The following PTPN3 variants were observed in gnomAD, a reference collection of about 807,000 sequenced individuals.
PTPN3 encodes the protein tyrosine-protein phosphatase non-receptor type 3.
PTPN3 carries 96 observed loss-of-function variants against 132.7 expected under a neutral mutation model. That is an observed-to-expected ratio of 0.72 (90% CI 0.61 to 0.86). PTPN3 has a LOEUF of 0.86. PTPN3 is among the 40% of genes least tolerant of loss of function. PTPN3 has a pLI of 0.00. For missense variants in PTPN3, 1,125 were observed against 1,159.6 expected, an observed-to-expected ratio of 0.97 and a Z score of 0.43; for synonymous variants, 398 against 429.0, an observed-to-expected ratio of 0.93 and a Z score of 0.89.
rs369270315 is a variant in PTPN3, at chr9:109,432,143, C to T, written c.764+930G>A. 1.1e-3 allele frequency among the ~76,000 whole-genome samples: 164 copies of T among 150,798 alleles called. 1 individual carries two copies. The highest frequency in any genetic ancestry group is 3.8e-3 in the African/African-American group (155 of 41,156). ...TATTATATAATACTCCATAGTTTTA[C>T]TTAAGTTACTTGCAGGTTTTTTCCT... On this transcript the variant is annotated intron_variant, in intron 10 of 25. Transcript: ENST00000374541.
the PTPN3 span, among the ~76,000 whole-genome samples, chr9:109,528,716 A>C: frequency 6.6e-6 from 1 of 152,042 alleles, no homozygotes; most frequent in African/African-American, 2.4e-5. Flanking sequence ...ATATATGTAT[A>C]TATATATGTT....
chr9:109,462,570 T>C (rs1446989853), intron 2 of PTPN3, among the ~76,000 whole-genome samples: 1 of 151,968 alleles, frequency 6.6e-6, no homozygotes, highest in East Asian at 1.9e-4. Context: ...GGCCAGAGGA[T>C]GGAAGAGGTC....
intron 25 of PTPN3, among the ~76,000 whole-genome samples, chr9:109,379,901 G>A (rs924783776): frequency 3.9e-5 from 6 of 152,180 alleles, no homozygotes; most frequent in African/African-American, 7.2e-5. Flanking sequence ...AGTCCCTGCG[G>A]GACAGCCCTT....
At chr9:109,530,876 G>T in the PTPN3 span, among the ~76,000 whole-genome samples, 1 of 152,170 alleles carries the variant, frequency 6.6e-6, no homozygotes, top group African/African-American at 2.4e-5. Context: ...CTTTAGAGAA[G>T]TGTCTATTCT....
At chr9:109,406,706 TG>T in intron 17 of PTPN3, 88 bp from the exon 18 acceptor site, 1 of 1,528,922 alleles carries the variant, frequency 6.5e-7, no homozygotes, top group Admixed American at 1.8e-5. Flanking sequence ...CCCAGACACC[TG>T]GGACCATGAT....
chr9:109,429,040 A>C, intron 10 of PTPN3: 1 of 985,470 alleles, frequency 1.0e-6, no homozygotes, highest in Non-Finnish European at 1.2e-6. Context: ...AGCAGCTGAA[A>C]GAGGACAGAC....
At position 109,452,327 on chromosome 9, in the gene PTPN3, C is replaced by G. The variant is rs1845311254; in HGVS notation, c.368+2169G>C. On this transcript the variant is annotated intron_variant, in intron 5 of 25. Transcript: ENST00000374541. ...ATAGAAAACTTCAGAGTACCTGGTA[C>G]TTACTATAGTTTTATAAAACGTTTG... is the stretch of plus-strand genomic sequence containing the variant. Among the ~76,000 whole-genome samples, 12 of 148,928 alleles carry G rather than the reference C, an allele frequency of 8.1e-5. No individual in the cohort carries two copies. In the South Asian group the frequency reaches 2.6e-3, roughly 32 times the overall value.
intron 10 of PTPN3, 95 bp from the exon 11 acceptor site, chr9:109,428,779 C>T: frequency 6.7e-7 from 1 of 1,491,002 alleles, no homozygotes. Flanking sequence ...CTCCATGATC[C>T]TGATGAGTGG....
chr9:109,523,597 T>A, the PTPN3 span, among the ~76,000 whole-genome samples: 3 of 152,292 alleles, frequency 2.0e-5, no homozygotes, highest in Non-Finnish European at 4.4e-5. Context: ...TCAACTGGGC[T>A]CTGCATTTCA....
At chr9:109,402,471 G>T (rs1841220247) in intron 19 of PTPN3, among the ~76,000 whole-genome samples, 1 of 151,886 alleles carries the variant, frequency 6.6e-6, no homozygotes, top group Non-Finnish European at 1.5e-5. Context: ...TAGAGACAGG[G>T]TTTCACCATG....
intron 1 of PTPN3, among the ~76,000 whole-genome samples, chr9:109,487,801 C>T (rs1847279661): frequency 6.6e-6 from 1 of 152,076 alleles, no homozygotes; most frequent in Admixed American, 6.5e-5. Flanking sequence ...AATACATGGC[C>T]CATCTGATAA....
intron 6 of PTPN3, among the ~76,000 whole-genome samples, chr9:109,446,078 G>T (rs1370868760): frequency 6.6e-6 from 1 of 152,158 alleles, no homozygotes. Flanking sequence ...CAGACTCCAC[G>T]GCCTGCCCAG....
At chr9:109,537,897 T>C in the PTPN3 span, among the ~76,000 whole-genome samples, 4 of 152,252 alleles carry the variant, frequency 2.6e-5, no homozygotes, top group Admixed American at 2.6e-4. Context: ...GCCAAAACCA[T>C]GTTGTTCTTA....
intron 7 of PTPN3, among the ~76,000 whole-genome samples, chr9:109,439,709 G>A (rs112343808): frequency 1.5e-4 from 23 of 152,300 alleles, no homozygotes; most frequent in African/African-American, 5.5e-4. Flanking sequence ...AGAGGTTTGA[G>A]ACCAGCCTAG....
chr9:109,398,572 CT>C (rs1840786073), intron 19 of PTPN3, among the ~76,000 whole-genome samples: 1 of 152,140 alleles, frequency 6.6e-6, no homozygotes, highest in African/African-American at 2.4e-5. Context: ...TTGACATGAC[CT>C]TTGGTGGTCT....
intron 14 of PTPN3, among the ~76,000 whole-genome samples, chr9:109,412,785 G>A (rs542951854): frequency 2.0e-5 from 3 of 152,260 alleles, no homozygotes; most frequent in South Asian, 2.1e-4. Context: ...GGGATTACAG[G>A]TGTGAGCCAC....
At chr9:109,522,584 G>T in the PTPN3 span, among the ~76,000 whole-genome samples, 3 of 152,196 alleles carry the variant, frequency 2.0e-5, no homozygotes, top group Non-Finnish European at 4.4e-5. Context: ...AGGTGGTGGT[G>T]AAAGTAATAT....
At chr9:109,517,981 C>T in the PTPN3 span, among the ~76,000 whole-genome samples, 1 of 152,184 alleles carries the variant, frequency 6.6e-6, no homozygotes, top group Non-Finnish European at 1.5e-5. Flanking sequence ...GGTCCTCTCT[C>T]CTGGCTGCAG....
intron 14 of PTPN3, among the ~76,000 whole-genome samples, chr9:109,419,109 T>C (rs1210170174): frequency 6.6e-6 from 1 of 152,178 alleles, no homozygotes; most frequent in Non-Finnish European, 1.5e-5. Context: ...AGGCTGCAAG[T>C]TGGAACAAGA....
Sources: gnomAD v4.1 joint callset for allele counts (sites outside exome capture counted in the v4.1 genomes callset) on GRCh38, gnomAD v4.1.1 for gene constraint, MANE v1.5 for transcripts, NCBI Gene and HGNC (gene_info 2026-07-23, HGNC 2026-07-21) for gene names.